Variants in SLC22A5 observed in about 807,000 individuals in gnomAD.
The protein encoded by SLC22A5 is organic cation/carnitine transporter 2.
A neutral mutation model predicts 56.7 loss-of-function variants in SLC22A5; 44 were observed. The ratio of observed to expected loss-of-function variants is 0.78; its 90% confidence interval spans 0.61 to 1.00. The LOEUF (loss-of-function observed/expected upper bound fraction) is 1.00. SLC22A5 is among the 50% of genes least tolerant of loss of function. SLC22A5 has a pLI of 0.00. For missense variants in SLC22A5, 675 were observed against 723.0 expected (o/e 0.93, Z 0.76); for synonymous variants, 278 against 292.1 (o/e 0.95, Z 0.49).
intron 4 of SLC22A5, 54 bp from the exon 5 acceptor site, chr5:132,386,971 G>A (rs1274145931): frequency 6.2e-7 from 1 of 1,604,310 alleles, no homozygotes; most frequent in African/African-American, 1.3e-5. Flanking sequence ...TACCTGGTCT[G>A]TGGGTCTGCT....
Position 132,385,521 on chromosome 5 carries a change from A to G in SLC22A5, c.824+22A>G, listed in dbSNP as rs745877077. 1.8e-5 allele frequency: 29 copies of G among 1,608,818 alleles called. No homozygotes were observed. In the South Asian group the frequency reaches 2.8e-4, roughly 15 times the overall value. Reference sequence around the variant, plus strand: ...GGTGGTGAGTGTGACCTTGTGCCCCATGTGCCCACTGGCAGGATGATTTCT... The same window carrying G: ...GGTGGTGAGTGTGACCTTGTGCCCCGTGTGCCCACTGGCAGGATGATTTCT... On this transcript the variant is annotated intron_variant, in intron 4 of 9. Transcript: ENST00000245407.
At chr5:132,376,309 G>T (rs60395913) in intron 1 of SLC22A5, 4,124 of 152,430 alleles carry the variant, frequency 0.027, 128 homozygotes, top group African/African-American at 0.077. Context: ...GAGTTGTCAA[G>T]GGCGGTCAGT....
chr5:132,388,840 C>G, intron 5 of SLC22A5, 81 bp from the exon 6 acceptor site: 2 of 898,916 alleles, frequency 2.2e-6, no homozygotes, highest in Non-Finnish European at 3.8e-6. Context: ...GCTAAGATGC[C>G]AGGGATTCAA....
intron 1 of SLC22A5, chr5:132,377,225 T>C (rs925127351): frequency 6.6e-6 from 1 of 152,298 alleles, no homozygotes; most frequent in African/African-American, 2.4e-5. Context: ...TGCCCAGCAG[T>C]GCGGAGAAGC....
rs1194929977 is a variant in SLC22A5 at position 132,386,973 on chromosome 5, G to A, written c.825-52G>A. The A allele has an allele frequency of 3.1e-6, 5 of 1,606,118 alleles. No individual in the cohort carries two copies. The highest frequency in any genetic ancestry group is 4.3e-6 in the Non-Finnish European group (5 of 1,172,886). On this transcript the variant is annotated intron_variant, in intron 4 of 9. Coordinates refer to ENST00000245407, the MANE Select transcript of SLC22A5 (RefSeq NM_003060.4). ...TATGGCTGTGCTCTACCTGGTCTGT[G>A]GGTCTGCTGTTGGCAGGGAGGCCTC...
intron 2 of SLC22A5, chr5:132,382,256 C>A (rs1311371729): frequency 6.6e-6 from 1 of 152,160 alleles, no homozygotes; most frequent in African/African-American, 2.4e-5. Context: ...TGCCTCCTAG[C>A]CACCACTGTA....
intron 1 of SLC22A5, among the ~76,000 whole-genome samples, chr5:132,372,567 T>C (rs1335917905): frequency 6.6e-6 from 1 of 152,230 alleles, no homozygotes; most frequent in African/African-American, 2.4e-5. Context: ...TTGCTGCCAA[T>C]GTCAGCCTTT....
chr5:132,386,711 C>T (rs1283031389), intron 4 of SLC22A5, among the ~76,000 whole-genome samples: 2 of 152,172 alleles, frequency 1.3e-5, no homozygotes, highest in Non-Finnish European at 2.9e-5. Flanking sequence ...TTCCGGAGCC[C>T]ATCTTGCACC....
rs1226557478 is a variant in SLC22A5, at chr5:132,370,155, C to T, written c.183C>T (p.Ala61=). The T allele has an allele frequency of 6.2e-7, 1 of 1,608,724 alleles. No homozygotes were observed. The highest frequency in any genetic ancestry group is 1.7e-4 in the Middle Eastern group (1 of 6,052). The part of the protein sequence containing the change: ...RVPDAANLSS[A]WRNHTVPLRL... ...CGGACGCCGCGAACCTGAGCAGCGC[C>T]TGGCGCAACCACACTGTCCCACTGC... The change falls in exon 1 of 10, where the codon GCC becomes GCT. Residue 61 remains alanine (A), a synonymous_variant. Transcript: ENST00000245407.
intron 4 of SLC22A5, among the ~76,000 whole-genome samples, chr5:132,386,227 CT>C (rs1195308297): frequency 2.6e-5 from 3 of 114,336 alleles, no homozygotes; most frequent in Non-Finnish European, 4.0e-5. Context: ...TTTTTCTTTT[CT>C]TTTTTTTTCT....
At chr5:132,373,772 G>C (rs549198467) in intron 1 of SLC22A5, among the ~76,000 whole-genome samples, 1 of 152,300 alleles carries the variant, frequency 6.6e-6, no homozygotes, top group African/African-American at 2.4e-5. Context: ...GTCATCCCTG[G>C]GGTACTGGGG....
In SLC22A5 at chr5:132,370,362, C is replaced by T. The variant is rs750705553; in HGVS notation, c.390C>T (p.Thr130=). 1.2e-6 allele frequency: 2 copies of T among 1,611,880 alleles called. No homozygotes were observed. Among genetic ancestry groups the T allele is most frequent in the Non-Finnish European group, 1.7e-6 (2 of 1,179,678 alleles). ...SQDVYLSTIV[T]EWNLVCEDDW... ...ACGTCTACCTGTCCACCATTGTGAC[C>T]GAGGTGGGTGCCGGCCCCTGCTGGG... The change falls in exon 1 of 10, where the codon ACC becomes ACT. Residue 130 remains threonine (T), a synonymous_variant. Coordinates refer to ENST00000245407, the MANE Select transcript of SLC22A5 (RefSeq NM_003060.4).
rs199689597 is a variant in SLC22A5, at chr5:132,370,103, C to A, written c.131C>A (p.Ala44Glu). 2 of 1,612,168 alleles carry A rather than the reference C, an allele frequency of 1.2e-6. No homozygotes were observed. The highest frequency in any genetic ancestry group is 2.2e-5 in the South Asian group (2 of 91,006). The change falls in exon 1 of 10, where the codon GCG (alanine) becomes GAG (glutamate). Residue 44 changes from alanine (A) to glutamate (E), a missense_variant. Ala to Glu is a moderately radical substitution (Grantham distance 107). Transcript: ENST00000245407. The stretch of plus-strand genomic sequence containing the variant: ...GGCCTGTCCTCCGTGTTCCTGATAG[C>A]GACCCCGGAGCACCGCTGCCGGGTG... The part of the protein sequence containing the change: ...FTGLSSVFLI[A>E]TPEHRCRVPD...
At chr5:132,372,640 C>G (rs73787194) in intron 1 of SLC22A5, among the ~76,000 whole-genome samples, 2 of 152,186 alleles carry the variant, frequency 1.3e-5, no homozygotes, top group African/African-American at 4.8e-5. Context: ...GTTATGTGCC[C>G]TTTCACCTAC....
Position 132,384,254 on chromosome 5 carries a change from T to A in SLC22A5, c.605T>A (p.Leu202His). The change falls in exon 3 of 10, where the codon CTT (leucine) becomes CAT (histidine). Residue 202 changes from leucine to histidine, a missense_variant. Physicochemically the swap from Leu to His is moderately conservative, Grantham distance 99. Transcript: ENST00000245407. ...GAGATGTTTGTCGTGCTGTTTGTCC[T>A]TGTAGGCATGGGCCAGATCTCCAAC... is the stretch of plus-strand genomic sequence containing the variant. ...NFEMFVVLFV[L>H]VGMGQISNYV... The A allele has an allele frequency of 6.2e-7, 1 of 1,614,272 alleles. No homozygotes were observed. The highest frequency in any genetic ancestry group is 8.5e-7 in the Non-Finnish European group (1 of 1,180,052).
chr5:132,390,348 G>C (rs1257998425), intron 6 of SLC22A5: 2 of 376,916 alleles, frequency 5.3e-6, no homozygotes, highest in East Asian at 1.3e-4. Context: ...TGCTGGATTT[G>C]AGGAGGTTCA....
chr5:132,385,359 A>G lies in SLC22A5; in HGVS notation c.684A>G (p.Ile228Met), dbSNP rs1561571356. 2 of 1,614,164 alleles carry G rather than the reference A, an allele frequency of 1.2e-6. No individual in the cohort carries two copies. The highest frequency in any genetic ancestry group is 1.7e-6 in the Non-Finnish European group (2 of 1,179,994). ...AAATTCTTGGCAAGTCAGTTCGTAT[A>G]ATATTCTCTACGTTAGGAGTGTGCA... is the stretch of plus-strand genomic sequence containing the variant. ...GTEILGKSVR[I>M]IFSTLGVCIF... is the part of the protein sequence containing the mutation. The change falls in exon 4 of 10, where the codon ATA (isoleucine) becomes ATG (methionine). Residue 228 changes from isoleucine (I) to methionine (M), a missense_variant. Transcript: ENST00000245407.
At chr5:132,370,451 C>A in intron 1 of SLC22A5, 86 bp downstream of exon 1, 1 of 1,390,074 alleles carries the variant, frequency 7.2e-7, no homozygotes, top group Non-Finnish European at 1.0e-6. Flanking sequence ...CTCCCAGATG[C>A]GCACTGGACG....
chr5:132,375,437 A>G (rs1299742867), intron 1 of SLC22A5, among the ~76,000 whole-genome samples: 1 of 152,232 alleles, frequency 6.6e-6, no homozygotes, highest in African/African-American at 2.4e-5. Flanking sequence ...CAGGCTAGGT[A>G]CATCCCCTCA....
Sources: allele counts gnomAD v4.1 joint callset (sites outside exome capture counted in the v4.1 genomes callset), GRCh38; gene constraint gnomAD v4.1.1; transcripts MANE v1.5; gene names NCBI Gene and HGNC (gene_info 2026-07-23, HGNC 2026-07-21).